Variants in CHST3 observed in about 807,000 individuals in gnomAD.
The protein encoded by CHST3 is C6ST-1.
In CHST3, 20 loss-of-function variants were observed where a neutral mutation model predicts 35.4. The ratio of observed to expected loss-of-function variants is 0.57; its 90% CI spans 0.40 to 0.82. The LOEUF is 0.82. Among genes scored for constraint, CHST3 ranks in the 40% least tolerant of loss-of-function variants. The pLI, the probability that CHST3 is intolerant of heterozygous loss-of-function variation, is 0.00. For synonymous variants in CHST3, 334 were observed against 295.9 expected (o/e 1.13, Z -1.32); for missense variants, 693 against 670.1 (o/e 1.03, Z -0.38).
chr10:72,007,892 C>G lies in CHST3; in HGVS notation c.861C>G (p.Ala287=), dbSNP rs1489540204. 3.2e-6 allele frequency: 5 copies of G among 1,579,302 alleles called. No homozygotes were observed. The African/African-American group carries it at 6.7e-5, about 21-fold the overall frequency. ...AGCTGGAGTTCCTGCAGCCGCTGGC[C>G]GAGGACCCCCGCCTGGACCTGCGCG... ...IRQLEFLQPL[A]EDPRLDLRVI... The change falls in exon 3 of 3, where the codon GCC becomes GCG. Residue 287 remains alanine, a synonymous_variant. Coordinates refer to ENST00000373115, the MANE Select transcript of CHST3 (RefSeq NM_004273.5).
At chr10:72,001,289 A>C (rs1408790200) in intron 1 of CHST3, among the ~76,000 whole-genome samples, 1 of 152,094 alleles carries the variant, frequency 6.6e-6, no homozygotes, top group African/African-American at 2.4e-5. Context: ...GGGCCAAGGG[A>C]GCTGTCCCAC....
chr10:72,002,031 C>T (rs1270844297), intron 1 of CHST3, among the ~76,000 whole-genome samples: 1 of 152,140 alleles, frequency 6.6e-6, no homozygotes, highest in Non-Finnish European at 1.5e-5. Context: ...CCTCATGGCC[C>T]TGTGACTTCC....
rs1840098890 is a variant in CHST3, at chr10:72,010,525, A to G, written c.*2054A>G. The stretch of plus-strand genomic sequence containing the variant: ...TCATGGGATTCGCTATAATCAGCCT[A>G]TTTGAGCTGCTGGGTCTCTGTCACT... On this transcript the variant is annotated 3_prime_UTR_variant, in exon 3 of 3. Coordinates refer to ENST00000373115, the MANE Select transcript of CHST3 (RefSeq NM_004273.5). 2 of 152,162 alleles carry G rather than the reference A, an allele frequency of 1.3e-5. No individual in the cohort carries two copies. Among genetic ancestry groups the G allele is most frequent in the Admixed American group, 6.5e-5 (1 of 15,286 alleles). The allele number at this position is 152,162 out of a possible 1,614,324, so 9.4% of individuals were successfully genotyped here. A position where few individuals can be genotyped will look rare whatever the true frequency, so the allele number is the denominator to read the frequency against.
chr10:72,004,169 A>AAAT (rs3062567), intron 1 of CHST3, among the ~76,000 whole-genome samples: 109 of 152,142 alleles, frequency 7.2e-4, no homozygotes, highest in African/African-American at 2.4e-3. Context: ...CTCCATCTCA[A>AAAT]AATAATAATA....
intron 1 of CHST3, among the ~76,000 whole-genome samples, chr10:71,986,217 G>A (rs1334293631): frequency 6.6e-6 from 1 of 152,222 alleles, no homozygotes; most frequent in Non-Finnish European, 1.5e-5. Context: ...GAGCGCCAGG[G>A]TAGTGAAGTT....
At chr10:71,981,443 T>C (rs1399773496) in intron 1 of CHST3, among the ~76,000 whole-genome samples, 2 of 152,196 alleles carry the variant, frequency 1.3e-5, no homozygotes, top group Non-Finnish European at 1.5e-5. Context: ...GAATGTTCAG[T>C]GGGCACAGAG....
At chr10:71,999,731 G>C (rs996879899) in intron 1 of CHST3, among the ~76,000 whole-genome samples, 1 of 152,238 alleles carries the variant, frequency 6.6e-6, no homozygotes, top group Non-Finnish European at 1.5e-5. Context: ...CTGGTTGGAG[G>C]CCATCCAAGT....
In CHST3 at chr10:71,979,299, C is replaced by T. The variant is rs147058016; in HGVS notation, c.-108+14605C>T. On this transcript the variant is annotated intron_variant, in intron 1 of 2. Coordinates refer to ENST00000373115, the MANE Select transcript of CHST3 (RefSeq NM_004273.5). Reference sequence around the variant, plus strand: ...GAAGGAGAGGGTGGAGGTGAGGACCCAGGTTGCCTGCCAGGCTCTTGTGAG... The same window carrying T: ...GAAGGAGAGGGTGGAGGTGAGGACCTAGGTTGCCTGCCAGGCTCTTGTGAG... 1.5e-3 allele frequency among the ~76,000 whole-genome samples: 222 copies of T among 152,194 alleles called. 3 individuals are homozygous for T. Among genetic ancestry groups the T allele is most frequent in the African/African-American group, 5.0e-3 (208 of 41,510 alleles).
chr10:71,970,796 G>C (rs770984704), intron 1 of CHST3, among the ~76,000 whole-genome samples: 1 of 152,196 alleles, frequency 6.6e-6, no homozygotes, highest in South Asian at 2.1e-4. Context: ...CTTAAACATT[G>C]CTTTAGGGTG....
intron 1 of CHST3, among the ~76,000 whole-genome samples, chr10:71,999,108 G>A (rs1431696614): frequency 6.6e-6 from 1 of 152,246 alleles, no homozygotes; most frequent in African/African-American, 2.4e-5. Flanking sequence ...CGGAATCTGG[G>A]CTGGACAGGC....
rs1236375304 is a variant in CHST3, at chr10:71,964,691, CG to C, written c.-108+1del. On this transcript the variant is annotated splice_region_variant and 5_prime_UTR_variant, in exon 1 of 3. An upstream open reading frame in the 5' UTR loses its in-frame stop. Transcript: ENST00000373115. ...GGGCCGCCGGTGGAGTCTCGGCGGC[CG>C]GGGTAAGTGGGGCGCCGGCGTCCTG... 1.3e-5 allele frequency: 2 copies of C among 152,008 alleles called. No individual in the cohort carries two copies. The highest frequency in any genetic ancestry group is 2.9e-5 in the Non-Finnish European group (2 of 67,936). 9.4% of individuals were successfully genotyped at this position (152,008 alleles called of 1,614,324 possible). A position where few individuals can be genotyped will look rare whatever the true frequency, so the allele number is the denominator to read the frequency against.
At chr10:71,969,891 G>A (rs1839672916) in intron 1 of CHST3, among the ~76,000 whole-genome samples, 1 of 152,232 alleles carries the variant, frequency 6.6e-6, no homozygotes, top group South Asian at 2.1e-4. Context: ...AACACTCAGA[G>A]AGTCTCTGGC....
intron 1 of CHST3, among the ~76,000 whole-genome samples, chr10:71,981,366 G>A (rs964482318): frequency 6.6e-6 from 1 of 152,198 alleles, no homozygotes; most frequent in Non-Finnish European, 1.5e-5. Context: ...GCCTCCATGG[G>A]CCCCTCCCCA....
At chr10:71,978,407 T>G (rs1260010702) in intron 1 of CHST3, among the ~76,000 whole-genome samples, 1 of 149,854 alleles carries the variant, frequency 6.7e-6, no homozygotes, top group African/African-American at 2.5e-5. Flanking sequence ...GGCTTGGATC[T>G]CCAACATGCT....
At chr10:71,992,428 C>T (rs1368011737) in intron 1 of CHST3, among the ~76,000 whole-genome samples, 4 of 151,778 alleles carry the variant, frequency 2.6e-5, no homozygotes, top group Admixed American at 6.6e-5. Flanking sequence ...TTCCTGGGCC[C>T]GCTTGGGCCT....
chr10:71,980,356 A>C (rs1178276401), intron 1 of CHST3, among the ~76,000 whole-genome samples: 2 of 152,216 alleles, frequency 1.3e-5, no homozygotes, highest in African/African-American at 4.8e-5. Context: ...CCCGGGCAAC[A>C]AAGTGAAAAA....
chr10:71,985,084 C>T (rs1387686481), intron 1 of CHST3, among the ~76,000 whole-genome samples: 1 of 152,258 alleles, frequency 6.6e-6, no homozygotes, highest in Admixed American at 6.5e-5. Flanking sequence ...GTGAGCCGTT[C>T]AAAGATAACC....
At chr10:71,998,854 G>C (rs1839965874) in intron 1 of CHST3, among the ~76,000 whole-genome samples, 2 of 152,152 alleles carry the variant, frequency 1.3e-5, no homozygotes, top group Non-Finnish European at 2.9e-5. Flanking sequence ...GGGGTGCTCA[G>C]ATGCTCTTGG....
chr10:71,966,944 A>G (rs1431143956), intron 1 of CHST3, among the ~76,000 whole-genome samples: 1 of 152,148 alleles, frequency 6.6e-6, no homozygotes, highest in African/African-American at 2.4e-5. Flanking sequence ...ATTGTATGCC[A>G]TGGGGGTTTG....
Sources: allele counts gnomAD v4.1 joint callset (sites outside exome capture counted in the v4.1 genomes callset), GRCh38; gene constraint gnomAD v4.1.1; transcripts MANE v1.5; gene names NCBI Gene and HGNC (gene_info 2026-07-23, HGNC 2026-07-21).